SAMHD1: variants seen among roughly 807,000 people sequenced by gnomAD.
SAMHD1 encodes deoxynucleoside triphosphate triphosphohydrolase SAMHD1.
Under a neutral mutation model 79.6 loss-of-function variants are expected in SAMHD1, and 54 were observed. The observed-to-expected ratio is 0.68, with a 90% CI of 0.55 to 0.85. The LOEUF is 0.85. Among genes scored for constraint, SAMHD1 ranks in the 40% least tolerant of loss-of-function variants. The pLI is 0.00. For missense variants in SAMHD1, 663 were observed against 782.7 expected (o/e 0.85, Z 1.82); for synonymous variants, 260 against 264.1 (o/e 0.98, Z 0.15).
chr20:36,948,270 C>T (rs758510625), intron 1 of SAMHD1, among the ~76,000 whole-genome samples: 16 of 150,696 alleles, frequency 1.1e-4, no homozygotes, highest in Non-Finnish European at 2.2e-4. Context: ...TTTTCTTTTC[C>T]GAGATGGAGT....
intron 4 of SAMHD1, among the ~76,000 whole-genome samples, chr20:36,932,454 G>GTTT (rs752535431): frequency 3.2e-5 from 3 of 93,304 alleles, no homozygotes; most frequent in Non-Finnish European, 5.6e-5. Context: ...ACAGTTTCGT[G>GTTT]TTTTTTTTTT....
At chr20:36,925,653 G>A (rs938693062) in intron 6 of SAMHD1, among the ~76,000 whole-genome samples, 4 of 152,150 alleles carry the variant, frequency 2.6e-5, no homozygotes, top group Admixed American at 2.0e-4. Flanking sequence ...TAATCAAAGA[G>A]CAAGCAATCA....
At chr20:36,909,308 TCTGA>T (rs2063422928) in intron 11 of SAMHD1, among the ~76,000 whole-genome samples, 1 of 152,092 alleles carries the variant, frequency 6.6e-6, no homozygotes, top group Admixed American at 6.6e-5. Context: ...AACTAAGAAC[TCTGA>T]CTGGTGTACA....
chr20:36,943,711 A>C (rs1270328247), intron 2 of SAMHD1, among the ~76,000 whole-genome samples: 1 of 152,224 alleles, frequency 6.6e-6, no homozygotes, highest in Non-Finnish European at 1.5e-5. Context: ...CAGGTCAAAT[A>C]GTAAGCAACT....
In SAMHD1 at chr20:36,916,817, G is replaced by T; in HGVS notation, c.967C>A (p.Leu323Ile). Residue 323 changes from leucine (L) to isoleucine (I), a missense_variant, in exon 9 of 16, where the codon CTT becomes ATT. Coordinates refer to ENST00000646673, the MANE Select transcript of SAMHD1 (RefSeq NM_015474.4). ...TAATCAAAATTATTTTGGATTCCAA[G>T]ATGATGGCAGTCCCTAGAAGGATTC... is the stretch of plus-strand genomic sequence containing the variant. ...WDYFARDCHH[L>I]GIQNNFDYKR... is the part of the protein sequence containing the mutation. 1 of 1,613,928 alleles carries T rather than the reference G, an allele frequency of 6.2e-7. No homozygotes were observed. Among genetic ancestry groups the T allele is most frequent in the South Asian group, 1.1e-5 (1 of 91,072 alleles).
chr20:36,947,580 GTGTGTGTGTGT>G, intron 1 of SAMHD1, among the ~76,000 whole-genome samples: 2 of 124,690 alleles, frequency 1.6e-5, no homozygotes, highest in East Asian at 2.8e-4. Context: ...GTGTGTGTGT[GTGTGTGTGTGT>G]TGTTGGGTTT....
chr20:36,930,813 A>T lies in SAMHD1; in HGVS notation c.572T>A (p.Ile191Lys). 6.2e-7 allele frequency: 1 copy of T among 1,614,042 alleles called. No homozygotes were observed. Among genetic ancestry groups the T allele is most frequent in the Non-Finnish European group, 8.5e-7 (1 of 1,179,954 alleles). ...ALGEKQPELQ[I>K]SERDVLCVQI... ...AACACAGAGAACATCTCGTTCACTT[A>T]TCTGCAGCTCTGGTTGTTTTTCACC... Residue 191 changes from isoleucine to lysine, a missense_variant, in exon 5 of 16, where the codon ATA becomes AAA. Coordinates refer to ENST00000646673, the MANE Select transcript of SAMHD1 (RefSeq NM_015474.4).
At chr20:36,912,406 C>T (rs760909308) in intron 10 of SAMHD1, 55 bp downstream of exon 10, 1 of 1,093,016 alleles carries the variant, frequency 9.1e-7, no homozygotes, top group African/African-American at 1.5e-5. Flanking sequence ...TAGTATGATA[C>T]TCTAGCCAAG....
intron 2 of SAMHD1, 51 bp from the exon 3 acceptor site, chr20:36,941,162 T>C (rs2063641933): frequency 2.5e-6 from 3 of 1,205,802 alleles, no homozygotes; most frequent in Admixed American, 3.4e-5. Context: ...TTAATAATAA[T>C]CCCTGCAGTA....
chr20:36,906,712 T>A (rs1385213086), intron 11 of SAMHD1, among the ~76,000 whole-genome samples: 1 of 152,156 alleles, frequency 6.6e-6, no homozygotes, highest in Non-Finnish European at 1.5e-5. Flanking sequence ...TTGAAAAATT[T>A]CAAAATAAAA....
intron 9 of SAMHD1, among the ~76,000 whole-genome samples, chr20:36,913,128 C>T (rs2063455434): frequency 6.7e-6 from 1 of 150,266 alleles, no homozygotes; most frequent in Non-Finnish European, 1.5e-5. Context: ...TCCCGAGTGG[C>T]TGGGACTACA....
At chr20:36,940,744 A>G (rs542480351) in intron 3 of SAMHD1, 69 of 448,902 alleles carry the variant, frequency 1.5e-4, no homozygotes, top group African/African-American at 1.3e-3. Flanking sequence ...ATAGTTTCTA[A>G]TATTTTGCTC....
At chr20:36,927,293 T>A in intron 5 of SAMHD1, 41 bp from the exon 6 acceptor site, 2 of 1,399,208 alleles carry the variant, frequency 1.4e-6, no homozygotes, top group Non-Finnish European at 2.0e-6. Context: ...AAAACATCTG[T>A]AAACCAACAA....
intron 2 of SAMHD1, among the ~76,000 whole-genome samples, chr20:36,944,894 C>CA (rs1001020110): frequency 3.3e-5 from 5 of 151,544 alleles, no homozygotes; most frequent in African/African-American, 1.2e-4. Flanking sequence ...AACTCCGCTT[C>CA]AAAAAAAAGA....
At chr20:36,922,217 T>C (rs1327111576) in intron 6 of SAMHD1, among the ~76,000 whole-genome samples, 2 of 152,172 alleles carry the variant, frequency 1.3e-5, no homozygotes, top group Admixed American at 6.5e-5. Context: ...GAAAAAAAGT[T>C]TTTTTCCCCT....
chr20:36,918,357 G>A (rs530197791), intron 7 of SAMHD1, among the ~76,000 whole-genome samples: 3 of 151,524 alleles, frequency 2.0e-5, no homozygotes, highest in Non-Finnish European at 2.9e-5. Flanking sequence ...GGTGGCTCAC[G>A]CCTGCAATCC....
chr20:36,949,547 G>A (rs2063718838), intron 1 of SAMHD1, among the ~76,000 whole-genome samples: 1 of 151,274 alleles, frequency 6.6e-6, no homozygotes, highest in African/African-American at 2.4e-5. Context: ...ACGAGTTCAG[G>A]AGATGGAGAC....
intron 6 of SAMHD1, among the ~76,000 whole-genome samples, chr20:36,922,768 G>A (rs945923555): frequency 3.3e-5 from 5 of 151,826 alleles, no homozygotes; most frequent in Middle Eastern, 6.8e-3. Flanking sequence ...TTGCAGCCTC[G>A]ACCTCCCAGG....
At chr20:36,936,361 G>A (rs1376006021) in intron 3 of SAMHD1, among the ~76,000 whole-genome samples, 3 of 152,102 alleles carry the variant, frequency 2.0e-5, no homozygotes, top group Non-Finnish European at 4.4e-5. Context: ...CCAGGCTGCA[G>A]TGCGTTGGCT....
Sources: allele counts gnomAD v4.1 joint callset (sites outside exome capture counted in the v4.1 genomes callset), GRCh38; gene constraint gnomAD v4.1.1; transcripts MANE v1.5; gene names NCBI Gene and HGNC (gene_info 2026-07-23, HGNC 2026-07-21).